The following ANKFN1 variants were observed in gnomAD, a reference collection of about 807,000 sequenced individuals.
ANKFN1 encodes ankyrin repeat and fibronectin type III domain containing 1.
ANKFN1 carries 74 observed loss-of-function variants against 108.7 expected under a neutral mutation model. That is an observed-to-expected ratio of 0.68 (90% CI 0.56 to 0.83). The LOEUF (loss-of-function observed/expected upper bound fraction) is 0.83, where lower values mean the gene tolerates loss of function less well. Ranked by LOEUF, ANKFN1 falls within the 40% of genes least tolerant of loss-of-function variation. The pLI, the probability that ANKFN1 is intolerant of heterozygous loss-of-function variation, is 0.00. For missense variants in ANKFN1, 1,505 were observed against 1,382.3 expected (o/e 1.09, Z -1.41); for synonymous variants, 547 against 516.2 (o/e 1.06, Z -0.81).
At chr17:56,249,875 T>C (rs1401610800) in intron 3 of ANKFN1, among the ~76,000 whole-genome samples, 1 of 152,190 alleles carries the variant, frequency 6.6e-6, no homozygotes, top group Non-Finnish European at 1.5e-5. Context: ...ACCTCACTGA[T>C]GGAGATGTAG....
Position 56,449,078 on chromosome 17 carries a change from G to A in ANKFN1, c.1100-1G>A. The A allele has an allele frequency of 1.2e-6, 2 of 1,612,210 alleles. 1 individual carries two copies. The highest frequency in any genetic ancestry group is 2.2e-5 in the South Asian group (2 of 91,030). On this transcript the variant is annotated splice_acceptor_variant, in intron 10 of 20. Transcript: ENST00000682825. LOFTEE classifies it high-confidence loss of function. ...CTATGTTTATTTCTTTTGTTCAATAGACTGGAAAGACTATGACGACAGAGA... is the reference window on the plus strand; with the variant it reads ...CTATGTTTATTTCTTTTGTTCAATAAACTGGAAAGACTATGACGACAGAGA...
chr17:56,069,241 A>G (rs1266948024), intron 4 of ANKFN1, among the ~76,000 whole-genome samples: 1 of 152,172 alleles, frequency 6.6e-6, no homozygotes, highest in Non-Finnish European at 1.5e-5. Context: ...GTTTAATTGG[A>G]TTTTTCATAT....
chr17:56,149,796 C>G (rs952969095), upstream of ANKFN1, among the ~76,000 whole-genome samples: 5 of 152,236 alleles, frequency 3.3e-5, no homozygotes, highest in African/African-American at 1.2e-4. Context: ...CAATCCTGTT[C>G]TCCATGACGA....
intron 14 of ANKFN1, among the ~76,000 whole-genome samples, chr17:56,463,486 G>A (rs2049978471): frequency 6.6e-6 from 1 of 152,130 alleles, no homozygotes; most frequent in Non-Finnish European, 1.5e-5. Context: ...CTAGGCCAGA[G>A]GAGAGATAAG....
At chr17:56,354,477 G>A (rs141025869) in intron 6 of ANKFN1, among the ~76,000 whole-genome samples, 178 of 152,238 alleles carry the variant, frequency 1.2e-3, no homozygotes, top group African/African-American at 4.2e-3. Flanking sequence ...TAGGTGCTAG[G>A]AATGTAACAG....
At chr17:56,499,342 A>G (rs889045862) in intron 20 of ANKFN1, among the ~76,000 whole-genome samples, 2 of 152,148 alleles carry the variant, frequency 1.3e-5, no homozygotes, top group African/African-American at 4.8e-5. Context: ...TCTAGGTCAC[A>G]CTTACAAGAT....
intron 15 of ANKFN1, among the ~76,000 whole-genome samples, chr17:56,474,925 A>G (rs1170965964): frequency 6.6e-6 from 1 of 152,100 alleles, no homozygotes; most frequent in Non-Finnish European, 1.5e-5. Context: ...TTTCTAGCCT[A>G]TTCTTTTGGC....
chr17:56,116,148 A>C (rs764822012), intron 4 of ANKFN1, among the ~76,000 whole-genome samples: 11 of 151,986 alleles, frequency 7.2e-5, no homozygotes, highest in Non-Finnish European at 1.6e-4. Flanking sequence ...AGCTTTCTTA[A>C]TGTTATCTAT....
intron 3 of ANKFN1, among the ~76,000 whole-genome samples, chr17:56,265,236 A>G (rs1337420907): frequency 1.3e-5 from 2 of 152,164 alleles, no homozygotes; most frequent in African/African-American, 4.8e-5. Context: ...TTATAAACAA[A>G]AAGTTTAATT....
intron 3 of ANKFN1, among the ~76,000 whole-genome samples, chr17:56,294,167 A>G (rs569077230): frequency 3.3e-5 from 5 of 152,196 alleles, no homozygotes; most frequent in Admixed American, 2.6e-4. Flanking sequence ...ATATAAAGAA[A>G]CCAAATAATG....
At position 56,130,169 on chromosome 17, in the gene ANKFN1, C is replaced by T. The variant is rs144246656; in HGVS notation, c.288+83844C>T. Among the ~76,000 whole-genome samples, 681 of 152,320 alleles carry T rather than the reference C, an allele frequency of 4.5e-3. 1 individual carries two copies. The highest frequency in any genetic ancestry group is 7.1e-3 in the Non-Finnish European group (482 of 68,034). On this transcript the variant is annotated intron_variant, in intron 4 of 12. Transcript: ENST00000635860. ...GGATGGTTGTTAAACCTCTCCCAGGCCTAATTAGAGCAGCAATGCTCGCAT... is the reference window on the plus strand; with the variant it reads ...GGATGGTTGTTAAACCTCTCCCAGGTCTAATTAGAGCAGCAATGCTCGCAT...
chr17:56,285,681 G>T (rs916426091), intron 3 of ANKFN1, among the ~76,000 whole-genome samples: 1 of 152,102 alleles, frequency 6.6e-6, no homozygotes, highest in Non-Finnish European at 1.5e-5. Context: ...TGCAAACACA[G>T]ACTTCCCTGC....
At chr17:56,216,856 C>T (rs1053798355) in intron 2 of ANKFN1, among the ~76,000 whole-genome samples, 6 of 152,092 alleles carry the variant, frequency 3.9e-5, no homozygotes, top group African/African-American at 1.4e-4. Context: ...ATTCAGCAAC[C>T]CATGGGATAA....
chr17:56,163,405 T>A (rs984302154), intron 1 of ANKFN1, among the ~76,000 whole-genome samples: 4 of 152,234 alleles, frequency 2.6e-5, no homozygotes, highest in Non-Finnish European at 2.9e-5. Flanking sequence ...GTAATAGTCA[T>A]GTAGCGGTGC....
chr17:56,499,203 G>A, intron 20 of ANKFN1, 105 bp downstream of exon 20: 1 of 1,081,232 alleles, frequency 9.2e-7, no homozygotes, highest in Non-Finnish European at 1.3e-6. Context: ...GAAAGTGGAT[G>A]AAAACACTGC....
At chr17:56,214,960 A>G (rs1407606919) in intron 2 of ANKFN1, among the ~76,000 whole-genome samples, 3 of 152,250 alleles carry the variant, frequency 2.0e-5, no homozygotes, top group Non-Finnish European at 4.4e-5. Context: ...CTTTTGGGGC[A>G]GTAACCCTTT....
intron 3 of ANKFN1, among the ~76,000 whole-genome samples, chr17:56,314,258 C>CA (rs1188523011): frequency 5.3e-5 from 8 of 152,136 alleles, no homozygotes; most frequent in African/African-American, 1.7e-4. Flanking sequence ...TTTCCGTGAG[C>CA]ATTTATTTCT....
At chr17:56,367,931 A>G (rs2046702475) in intron 6 of ANKFN1, 2 of 187,844 alleles carry the variant, frequency 1.1e-5, no homozygotes, top group Admixed American at 6.2e-5. Context: ...GTTGATTTGT[A>G]TTCTATTTGG....
At chr17:56,159,939 C>G (rs993214546) in intron 1 of ANKFN1, among the ~76,000 whole-genome samples, 4 of 150,496 alleles carry the variant, frequency 2.7e-5, no homozygotes, top group African/African-American at 9.8e-5. Context: ...GAGGATTTGA[C>G]CAGGGGTGGG....
Sources: allele counts gnomAD v4.1 joint callset (sites outside exome capture counted in the v4.1 genomes callset), GRCh38; gene constraint gnomAD v4.1.1; transcripts MANE v1.5; gene names NCBI Gene and HGNC (gene_info 2026-07-23, HGNC 2026-07-21).